MANBA: variants seen among roughly 807,000 people sequenced by gnomAD.
MANBA encodes mannosidase beta, also known as beta-mannosidase.
MANBA carries 83 observed loss-of-function variants against 111.1 expected under a neutral mutation model. That is an observed-to-expected ratio of 0.75 (90% CI 0.63 to 0.90). The LOEUF is 0.90. MANBA is among the 40% of genes least tolerant of loss of function. The pLI, the probability that MANBA is intolerant of heterozygous loss-of-function variation, is 0.00. For synonymous variants in MANBA, 370 were observed against 378.7 expected (o/e 0.98, Z 0.27); for missense variants, 1,036 against 1,069.0 (o/e 0.97, Z 0.43).
intron 5 of MANBA, among the ~76,000 whole-genome samples, chr4:102,712,109 T>C (rs1032437016): frequency 3.9e-5 from 6 of 152,184 alleles, no homozygotes; most frequent in African/African-American, 9.7e-5. Flanking sequence ...CTAGAGGTGA[T>C]AGATACCCGA....
At position 102,635,064 on chromosome 4, in the gene MANBA, GAATA is replaced by G. The variant is rs923376864; in HGVS notation, c.2158-23_2158-20del. The G allele has an allele frequency of 6.2e-7, 1 of 1,613,542 alleles. No individual in the cohort carries two copies. Among genetic ancestry groups the G allele is most frequent in the Non-Finnish European group, 8.5e-7 (1 of 1,179,490 alleles). ...CTCTCACCTGGGGAGAAATAAAACA[GAATA>G]AAAACAGGCATTCTTGGTTGCTATG... On this transcript the variant is annotated intron_variant, in intron 15 of 16. Transcript: ENST00000647097.
intron 8 of MANBA, among the ~76,000 whole-genome samples, chr4:102,672,635 C>T (rs1035352261): frequency 2.0e-5 from 3 of 152,208 alleles, no homozygotes; most frequent in Admixed American, 2.0e-4. Flanking sequence ...CGGACTGGAC[C>T]ATGGATCAGG....
At chr4:102,683,271 T>A (rs551513140) in intron 7 of MANBA, among the ~76,000 whole-genome samples, 1 of 152,306 alleles carries the variant, frequency 6.6e-6, no homozygotes, top group African/African-American at 2.4e-5. Flanking sequence ...TTGGGAACTA[T>A]GAAACACAAG....
chr4:102,690,376 A>T lies in MANBA; in HGVS notation c.849+220T>A, dbSNP rs227367. The stretch of plus-strand genomic sequence containing the variant: ...AAATGAGAGAAAGAATTGCCAAATT[A>T]ATAATATATTCTCTATTTTCTTAAT... On this transcript the variant is annotated intron_variant, in intron 6 of 16. Coordinates refer to ENST00000647097, the MANE Select transcript of MANBA (RefSeq NM_005908.4). 0.57 allele frequency among the ~76,000 whole-genome samples: 86,172 copies of T among 151,966 alleles called. 26,122 individuals are homozygous for T. The highest frequency in any genetic ancestry group is 0.79 in the South Asian group (3,789 of 4,818).
At chr4:102,687,716 C>A (rs2110240289) in intron 7 of MANBA, among the ~76,000 whole-genome samples, 1 of 152,260 alleles carries the variant, frequency 6.6e-6, no homozygotes, top group African/African-American at 2.4e-5. Flanking sequence ...CTAATATATT[C>A]CAATGGCTCA....
At chr4:102,679,137 T>C (rs945589612) in intron 7 of MANBA, among the ~76,000 whole-genome samples, 4 of 152,208 alleles carry the variant, frequency 2.6e-5, no homozygotes, top group Non-Finnish European at 4.4e-5. Flanking sequence ...TCTCCACAAA[T>C]AGCTCTTGTC....
At chr4:102,729,451 T>A in intron 1 of MANBA, 2 of 1,285,976 alleles carry the variant, frequency 1.6e-6, no homozygotes, top group South Asian at 2.5e-5. Flanking sequence ...CACAGATGTG[T>A]CCGAGATCTG....
intron 1 of MANBA, among the ~76,000 whole-genome samples, chr4:102,748,552 T>C (rs1723668249): frequency 6.6e-6 from 1 of 152,190 alleles, no homozygotes; most frequent in African/African-American, 2.4e-5. Flanking sequence ...TTAATCATGG[T>C]TGTTTCTATA....
At chr4:102,637,090 G>A (rs558919115) in intron 14 of MANBA, among the ~76,000 whole-genome samples, 30 of 152,224 alleles carry the variant, frequency 2.0e-4, no homozygotes, top group African/African-American at 5.5e-4. Context: ...CTCTTCCTTC[G>A]TCTTCTGCCA....
intron 4 of MANBA, chr4:102,722,442 T>A: frequency 5.1e-6 from 1 of 196,558 alleles, no homozygotes; most frequent in Non-Finnish European, 1.1e-5. Flanking sequence ...TGTTATCTTT[T>A]TGTTAGATTT....
At chr4:102,731,773 G>T (rs7670680) in intron 1 of MANBA, among the ~76,000 whole-genome samples, 3,933 of 151,744 alleles carry the variant, frequency 0.026, 163 homozygotes, top group African/African-American at 0.086. Context: ...TTTACTGAAC[G>T]TGTTTGCTAA....
At chr4:102,708,923 C>T (rs919248992) in intron 5 of MANBA, among the ~76,000 whole-genome samples, 4 of 151,742 alleles carry the variant, frequency 2.6e-5, no homozygotes, top group African/African-American at 9.7e-5. Flanking sequence ...AGAAACACAA[C>T]AGATCACCAG....
rs1730380806 is a variant in MANBA, at chr4:102,652,544, T to A, written c.1705-1843A>T. ...GGAAATGGCCAGGCAAAGTTCTAAT[T>A]ACTTTAAGAATATTAACTTTTTTTA... On this transcript the variant is annotated intron_variant, in intron 12 of 16. Transcript: ENST00000647097. Among the ~76,000 whole-genome samples the A allele has an allele frequency of 2.6e-5, 4 of 152,254 alleles. No homozygotes were observed. In the South Asian group the frequency reaches 6.2e-4, roughly 24 times the overall value.
chr4:102,690,185 T>C (rs1303169731), intron 6 of MANBA, among the ~76,000 whole-genome samples: 2 of 152,148 alleles, frequency 1.3e-5, no homozygotes, highest in Admixed American at 6.6e-5. Context: ...ATATGAAAGA[T>C]CATGAGTTTA....
At chr4:102,678,485 T>C (rs1178744331) in intron 7 of MANBA, among the ~76,000 whole-genome samples, 1 of 150,156 alleles carries the variant, frequency 6.7e-6, no homozygotes, top group Non-Finnish European at 1.5e-5. Flanking sequence ...GCATCCAAAG[T>C]AAATATATAA....
intron 7 of MANBA, among the ~76,000 whole-genome samples, chr4:102,688,742 C>G (rs1224258661): frequency 6.6e-6 from 1 of 152,178 alleles, no homozygotes; most frequent in East Asian, 1.9e-4. Flanking sequence ...TAACAAAGTG[C>G]AGTTCTTTCC....
Position 102,748,917 on chromosome 4 carries a change from G to GAA in MANBA, c.177+11799_177+11800dup, listed in dbSNP as rs111380449. ...GACAAAGCAAGACTCCATCTAAAAA[G>GAA]AAAAAAAAAAACCCATTTGCTATTT... On this transcript the variant is annotated intron_variant, in intron 1 of 16. Transcript: ENST00000647097. 1.4e-4 allele frequency among the ~76,000 whole-genome samples: 19 copies of GAA among 139,738 alleles called. No homozygotes were observed. The South Asian group carries it at 3.1e-3, about 23-fold the overall frequency. The allele number at this position is 139,738 out of a possible 152,430, so 91.7% of individuals were successfully genotyped here. A position where few individuals can be genotyped will look rare whatever the true frequency, so the allele number is the denominator to read the frequency against.
intron 4 of MANBA, among the ~76,000 whole-genome samples, chr4:102,720,396 C>T (rs935132648): frequency 1.9e-4 from 28 of 149,856 alleles, no homozygotes; most frequent in Non-Finnish European, 4.1e-4. Context: ...GATTGTGCCA[C>T]TGCACTCCAG....
intron 7 of MANBA, among the ~76,000 whole-genome samples, chr4:102,680,115 T>G (rs142091550): frequency 5.6e-4 from 86 of 152,318 alleles, no homozygotes; most frequent in African/African-American, 1.9e-3. Flanking sequence ...CAGCAACTCT[T>G]TGTTGTTTCT....
Sources: gnomAD v4.1 joint callset for allele counts (sites outside exome capture counted in the v4.1 genomes callset) on GRCh38, gnomAD v4.1.1 for gene constraint, MANE v1.5 for transcripts, NCBI Gene and HGNC (gene_info 2026-07-23, HGNC 2026-07-21) for gene names.